Variants in ZNF804B observed in about 807,000 individuals in gnomAD.
ZNF804B encodes zinc finger protein 804B.
Under a neutral mutation model 101.4 loss-of-function variants are expected in ZNF804B, and 80 were observed. The ratio of observed to expected loss-of-function variants is 0.79; its 90% CI spans 0.66 to 0.95. The LOEUF is 0.95. Ranked by LOEUF, ZNF804B falls within the 40% of genes least tolerant of loss-of-function variation. ZNF804B has a pLI of 0.00. For missense variants in ZNF804B, 1,673 were observed against 1,561.9 expected (o/e 1.07, Z -1.20); for synonymous variants, 622 against 558.8 (o/e 1.11, Z -1.59).
chr7:88,914,428 G>A (rs1044128865), intron 1 of ZNF804B, among the ~76,000 whole-genome samples: 4 of 152,092 alleles, frequency 2.6e-5, no homozygotes, highest in African/African-American at 9.7e-5. Context: ...GACTTGAAGA[G>A]GGTTTCTTTC....
At chr7:88,902,986 AG>A (rs2115956949) in intron 1 of ZNF804B, among the ~76,000 whole-genome samples, 1 of 152,142 alleles carries the variant, frequency 6.6e-6, no homozygotes, top group Non-Finnish European at 1.5e-5. Context: ...GTACGTGTGC[AG>A]GTTTGTTACA....
chr7:89,212,252 T>TAC (rs67535390), intron 1 of ZNF804B, among the ~76,000 whole-genome samples: 1,907 of 87,144 alleles, frequency 0.022, 18 homozygotes, highest in South Asian at 0.051. Flanking sequence ...CATTCAGTGA[T>TAC]ACACACACAC....
chr7:89,197,629 G>T (rs1788575669), intron 1 of ZNF804B, among the ~76,000 whole-genome samples: 1 of 151,686 alleles, frequency 6.6e-6, no homozygotes, highest in African/African-American at 2.4e-5. Flanking sequence ...TTTTAATTAT[G>T]AGAAAACCAG....
intron 1 of ZNF804B, among the ~76,000 whole-genome samples, chr7:89,031,189 ATATATATATATGTGTGTGTGTG>A (rs1788828435): frequency 8.7e-6 from 1 of 114,344 alleles, no homozygotes; most frequent in African/African-American, 2.9e-5. Context: ...ATATATGTGT[ATATATATATATGTGTGTGTGTG>A]TATATATATA....
At chr7:88,847,808 C>T (rs1300654138) in intron 1 of ZNF804B, among the ~76,000 whole-genome samples, 2 of 152,102 alleles carry the variant, frequency 1.3e-5, no homozygotes, top group Admixed American at 1.3e-4. Flanking sequence ...TAAACTATTG[C>T]AGTTGTTCTT....
chr7:88,897,646 C>G (rs986577552), intron 1 of ZNF804B, among the ~76,000 whole-genome samples: 4 of 152,156 alleles, frequency 2.6e-5, no homozygotes, highest in African/African-American at 9.7e-5. Flanking sequence ...GAATCAGAGT[C>G]TCAGCTAAAT....
At chr7:88,763,676 T>C (rs2115611204) in intron 1 of ZNF804B, among the ~76,000 whole-genome samples, 1 of 152,224 alleles carries the variant, frequency 6.6e-6, no homozygotes, top group African/African-American at 2.4e-5. Flanking sequence ...TCCCCGACTC[T>C]ATCTAAACTC....
chr7:89,267,934 T>C (rs1009362504), intron 2 of ZNF804B, among the ~76,000 whole-genome samples: 3 of 152,122 alleles, frequency 2.0e-5, no homozygotes, highest in African/African-American at 4.8e-5. Flanking sequence ...GATTGCACTT[T>C]AGGATAATGA....
chr7:88,876,447 T>G (rs774765987), intron 1 of ZNF804B, among the ~76,000 whole-genome samples: 1 of 152,210 alleles, frequency 6.6e-6, no homozygotes, highest in African/African-American at 2.4e-5. Flanking sequence ...TATTCCAGCA[T>G]CTATACCTTT....
At chr7:88,868,048 AGTGTGTGT>A (rs34267852) in intron 1 of ZNF804B, among the ~76,000 whole-genome samples, 4,328 of 142,730 alleles carry the variant, frequency 0.03, 83 homozygotes, top group Admixed American at 0.044. Context: ...TGTGTGTGTG[AGTGTGTGT>A]GTGTGTGTGT....
chr7:89,014,478 G>A (rs1788510858), intron 1 of ZNF804B, among the ~76,000 whole-genome samples: 1 of 152,064 alleles, frequency 6.6e-6, no homozygotes, highest in Non-Finnish European at 1.5e-5. Context: ...TGCGACGCCT[G>A]GCTAATTTTT....
In ZNF804B at chr7:89,169,035, C is replaced by T. The variant is rs889882181; in HGVS notation, c.109-49120C>T. On this transcript the variant is annotated intron_variant, in intron 1 of 3. Coordinates refer to ENST00000333190, the MANE Select transcript of ZNF804B (RefSeq NM_181646.5). The stretch of plus-strand genomic sequence containing the variant: ...TGGGTCAAAGAAGAGAACCGTGGAA[C>T]CCAGTGACTAGTGTTCAGCTCAATC... Among the ~76,000 whole-genome samples, 10 of 152,214 alleles carry T rather than the reference C, an allele frequency of 6.6e-5. No individual in the cohort carries two copies. The South Asian group carries it at 1.5e-3, about 22-fold the overall frequency.
intron 1 of ZNF804B, among the ~76,000 whole-genome samples, chr7:88,820,325 T>C (rs975848645): frequency 4.6e-5 from 7 of 152,184 alleles, no homozygotes; most frequent in African/African-American, 9.7e-5. Context: ...TGGGAAGCTA[T>C]CAATGAGTAC....
chr7:88,921,659 A>G (rs1792721344), intron 1 of ZNF804B, among the ~76,000 whole-genome samples: 1 of 152,060 alleles, frequency 6.6e-6, no homozygotes, highest in Admixed American at 6.6e-5. Flanking sequence ...AATGATTACT[A>G]GCATGTTTAC....
intron 1 of ZNF804B, among the ~76,000 whole-genome samples, chr7:88,900,844 A>G (rs1029632838): frequency 1.3e-5 from 2 of 150,220 alleles, no homozygotes; most frequent in Non-Finnish European, 3.0e-5. Context: ...TGACCCACGG[A>G]AAAAAAAACA....
At chr7:88,860,080 C>A (rs1014528547) in intron 1 of ZNF804B, among the ~76,000 whole-genome samples, 1 of 151,822 alleles carries the variant, frequency 6.6e-6, no homozygotes, top group African/African-American at 2.4e-5. Context: ...CTTTTAAAAT[C>A]TGGTTACACT....
intron 2 of ZNF804B, among the ~76,000 whole-genome samples, chr7:89,296,258 CA>C (rs1165257951): frequency 2.0e-5 from 3 of 151,558 alleles, no homozygotes; most frequent in African/African-American, 7.3e-5. Flanking sequence ...TTCGATTATA[CA>C]GGAAAAAAAT....
chr7:88,787,576 G>A (rs1056275921), intron 1 of ZNF804B, among the ~76,000 whole-genome samples: 2 of 152,162 alleles, frequency 1.3e-5, no homozygotes, highest in Admixed American at 6.6e-5. Flanking sequence ...CTGTAATGAA[G>A]TGTTTAAACG....
At chr7:89,056,787 A>G (rs1179861429) in intron 1 of ZNF804B, among the ~76,000 whole-genome samples, 1 of 152,140 alleles carries the variant, frequency 6.6e-6, no homozygotes, top group Non-Finnish European at 1.5e-5. Flanking sequence ...TATAACAAGA[A>G]TAGGTTCATT....
Sources: allele counts gnomAD v4.1 joint callset (sites outside exome capture counted in the v4.1 genomes callset), GRCh38; gene constraint gnomAD v4.1.1; transcripts MANE v1.5; gene names NCBI Gene and HGNC (gene_info 2026-07-23, HGNC 2026-07-21).